MTM1: variants seen among roughly 807,000 people sequenced by gnomAD.
MTM1 encodes myotubularin 1.
In MTM1, 9 loss-of-function variants were observed where a neutral mutation model predicts 52.1. The observed-to-expected ratio is 0.17, with a 90% CI of 0.10 to 0.30. The LOEUF is 0.30. Ranked by LOEUF, MTM1 falls within the 10% of genes least tolerant of loss-of-function variation. The pLI, the probability that MTM1 is intolerant of heterozygous loss-of-function variation, is 1.00. For synonymous variants in MTM1, 136 were observed against 163.8 expected (o/e 0.83, Z 1.29); for missense variants, 277 against 470.7 (o/e 0.59, Z 3.81).
intron 10 of MTM1, among the ~76,000 whole-genome samples, chrX:150,657,237 T>C (rs2148507563): frequency 9.0e-6 from 1 of 111,066 alleles, no homozygotes; most frequent in South Asian, 3.9e-4. Flanking sequence ...TGTCCATCAA[T>C]GATAGACTGG....
At chrX:150,660,061 T>C (rs967146310) in intron 12 of MTM1, among the ~76,000 whole-genome samples, 11 of 112,456 alleles carry the variant, frequency 9.8e-5, no homozygotes, top group African/African-American at 3.6e-4. Flanking sequence ...CTGACCCTTA[T>C]ATATAGCTGT....
At chrX:150,620,955 A>C (rs782386424) in intron 6 of MTM1, among the ~76,000 whole-genome samples, 2 of 109,050 alleles carry the variant, frequency 1.8e-5, no homozygotes, top group Admixed American at 2.0e-4. Context: ...TGTCCTACTA[A>C]AAATATAAAA....
chrX:150,567,010 A>C (rs933854284), upstream of MTM1, among the ~76,000 whole-genome samples: 3 of 111,514 alleles, frequency 2.7e-5, no homozygotes, highest in Admixed American at 9.5e-5. Flanking sequence ...TAAGCAAATG[A>C]TGACATCAGT....
At chrX:150,595,240 C>G (rs1404800721) in intron 2 of MTM1, among the ~76,000 whole-genome samples, 1 of 111,384 alleles carries the variant, frequency 9.0e-6, no homozygotes, top group Non-Finnish European at 1.9e-5. Context: ...GCAGGCAGAT[C>G]ACTTGAGGCC....
chrX:150,614,815 C>T, intron 5 of MTM1, 116 bp downstream of exon 5: 2 of 478,098 alleles, frequency 4.2e-6, no homozygotes, highest in Non-Finnish European at 7.2e-6. Context: ...CATCTAAGGC[C>T]CTGGAAATGG....
upstream of MTM1, among the ~76,000 whole-genome samples, chrX:150,565,680 T>C (rs1032691019): frequency 2.7e-5 from 3 of 111,323 alleles, no homozygotes; most frequent in African/African-American, 9.8e-5. Context: ...GAGTGCAGGC[T>C]CCTCCTGGTG....
Position 150,634,649 on chromosome X carries a change from C to T in MTM1, c.445-4294C>T, listed in dbSNP as rs782075963. ...CATGTACAGTATCTCTTGACTAGTA[C>T]GGATCTAGTGAATTGTGAATTGATG... On this transcript the variant is annotated intron_variant, in intron 6 of 14. Coordinates refer to ENST00000370396, the MANE Select transcript of MTM1 (RefSeq NM_000252.3). Among the ~76,000 whole-genome samples, 11 of 110,491 alleles carry T rather than the reference C, an allele frequency of 1.0e-4. No individual in the cohort carries two copies. In the East Asian group the frequency reaches 1.4e-3, roughly 14 times the overall value.
intron 6 of MTM1, among the ~76,000 whole-genome samples, chrX:150,629,457 C>G (rs1461105073): frequency 1.1e-4 from 12 of 111,672 alleles, no homozygotes; most frequent in African/African-American, 3.9e-4. Context: ...CTGCTATCCT[C>G]TCTATATGCC....
At chrX:150,667,785 G>A (rs1221619291) in intron 14 of MTM1, among the ~76,000 whole-genome samples, 1 of 112,163 alleles carries the variant, frequency 8.9e-6, no homozygotes, top group Non-Finnish European at 1.9e-5. Context: ...AATGAAAGCA[G>A]CAATCGCAGT....
chrX:150,592,770 G>T, intron 2 of MTM1, 93 bp downstream of exon 2: 2 of 572,141 alleles, frequency 3.5e-6, no homozygotes, highest in South Asian at 2.4e-5. Flanking sequence ...ATTGAATTAT[G>T]AATTTTATTA....
intron 8 of MTM1, among the ~76,000 whole-genome samples, chrX:150,644,875 C>T (rs782317001): frequency 1.8e-5 from 2 of 111,744 alleles, no homozygotes; most frequent in East Asian, 2.8e-4. Context: ...TCCACATTGT[C>T]GCCCACTGTG....
chrX:150,600,371 G>A (rs1557412718), intron 4 of MTM1, among the ~76,000 whole-genome samples: 1 of 112,008 alleles, frequency 8.9e-6, no homozygotes, highest in African/African-American at 3.2e-5. Context: ...CTGTCTTAAC[G>A]GATCCAAGCT....
chrX:150,652,155 A>C (rs1045118467), intron 10 of MTM1, among the ~76,000 whole-genome samples: 3 of 111,156 alleles, frequency 2.7e-5, no homozygotes, highest in Non-Finnish European at 5.7e-5. Context: ...GATTTACTTC[A>C]GGAATTTTTT....
intron 1 of MTM1, among the ~76,000 whole-genome samples, chrX:150,571,524 T>C (rs1421009174): frequency 3.6e-5 from 4 of 112,648 alleles, no homozygotes; most frequent in Middle Eastern, 9.1e-3. Context: ...GAATAATCTA[T>C]GCTAAGTGCT....
chrX:150,577,903 A>G (rs1287176623), intron 1 of MTM1, among the ~76,000 whole-genome samples: 1 of 112,126 alleles, frequency 8.9e-6, no homozygotes, highest in Non-Finnish European at 1.9e-5. Flanking sequence ...TCCTGCTCTT[A>G]TGTTTAGATC....
chrX:150,599,058 G>T (rs222379), intron 4 of MTM1, among the ~76,000 whole-genome samples: 5 of 111,288 alleles, frequency 4.5e-5, no homozygotes, highest in African/African-American at 1.3e-4. Context: ...CAGATGTCCT[G>T]GATAGACTGC....
chrX:150,575,984 C>T (rs781863107), intron 1 of MTM1, among the ~76,000 whole-genome samples: 2 of 110,639 alleles, frequency 1.8e-5, no homozygotes, highest in Non-Finnish European at 3.8e-5. Flanking sequence ...GTTTTCCCTC[C>T]TTGAACTTGT....
chrX:150,586,630 G>A (rs1237165701), intron 1 of MTM1, among the ~76,000 whole-genome samples: 3 of 111,328 alleles, frequency 2.7e-5, no homozygotes, highest in Non-Finnish European at 5.7e-5. Context: ...AGTTCACTGG[G>A]CTGGGTGTGG....
At chrX:150,658,590 T>A (rs2040166659) in intron 11 of MTM1, among the ~76,000 whole-genome samples, 1 of 110,807 alleles carries the variant, frequency 9.0e-6, no homozygotes, top group South Asian at 3.8e-4. Context: ...TAAATAAAAA[T>A]TTTTTAAAAT....
Sources: allele counts gnomAD v4.1 joint callset (sites outside exome capture counted in the v4.1 genomes callset), GRCh38; gene constraint gnomAD v4.1.1; transcripts MANE v1.5; gene names NCBI Gene and HGNC (gene_info 2026-07-23, HGNC 2026-07-21).